Variants in SAMD5 observed in about 807,000 individuals in gnomAD.
SAMD5 encodes the protein sterile alpha motif domain-containing protein 5.
Under a neutral mutation model 11.3 loss-of-function variants are expected in SAMD5, and 13 were observed. That is an observed-to-expected ratio of 1.15 (90% CI 0.75 to 1.83). The LOEUF is 1.83. Ranked by LOEUF, SAMD5 falls within the 40% of genes most tolerant of loss-of-function variation. The pLI, the probability that SAMD5 is intolerant of heterozygous loss-of-function variation, is 0.00. For missense variants in SAMD5, 255 were observed against 239.1 expected, an observed-to-expected ratio of 1.07 and a Z score of -0.44; for synonymous variants, 129 against 111.3, an observed-to-expected ratio of 1.16 and a Z score of -1.00.
chr6:147,804,610 T>C, the SAMD5 span, among the ~76,000 whole-genome samples: 1 of 152,172 alleles, frequency 6.6e-6, no homozygotes, highest in African/African-American at 2.4e-5. Context: ...TTGTAACTCA[T>C]TTATCAGACA....
At chr6:147,652,466 G>A (rs997295849) in intron 1 of SAMD5, among the ~76,000 whole-genome samples, 4 of 152,140 alleles carry the variant, frequency 2.6e-5, no homozygotes, top group Non-Finnish European at 5.9e-5. Flanking sequence ...AAAGCTCAAG[G>A]ACATTGAGAC....
At chr6:147,624,154 C>T (rs1790014037) in intron 1 of SAMD5, among the ~76,000 whole-genome samples, 1 of 152,316 alleles carries the variant, frequency 6.6e-6, no homozygotes, top group Non-Finnish European at 1.5e-5. Context: ...ACAGGCGAGC[C>T]ACTGCGCCTG....
intron 1 of SAMD5, among the ~76,000 whole-genome samples, chr6:147,600,885 T>C (rs1014950794): frequency 6.6e-6 from 1 of 152,230 alleles, no homozygotes; most frequent in South Asian, 2.1e-4. Flanking sequence ...AATGCTGCTG[T>C]AGCAGTTCTA....
intron 1 of SAMD5, among the ~76,000 whole-genome samples, chr6:147,718,980 C>G (rs369564785): frequency 1.3e-5 from 2 of 152,156 alleles, no homozygotes; most frequent in African/African-American, 2.4e-5. Context: ...CGTGAGCCAC[C>G]GCGCCCGGCC....
chr6:147,834,560 G>A, the SAMD5 span, among the ~76,000 whole-genome samples: 2 of 152,122 alleles, frequency 1.3e-5, no homozygotes, highest in African/African-American at 4.8e-5. Context: ...CAATTGTTGG[G>A]GTTCGGACAC....
At chr6:147,622,342 G>A (rs1329255379) in intron 1 of SAMD5, among the ~76,000 whole-genome samples, 1 of 152,114 alleles carries the variant, frequency 6.6e-6, no homozygotes, top group African/African-American at 2.4e-5. Context: ...ATTTTTATAT[G>A]TATCATTTTT....
intron 1 of SAMD5, among the ~76,000 whole-genome samples, chr6:147,594,514 A>T (rs944622787): frequency 6.6e-6 from 1 of 152,206 alleles, no homozygotes; most frequent in South Asian, 2.1e-4. Context: ...CTAATCCATT[A>T]TATTACAAAG....
At chr6:147,927,725 G>A in the SAMD5 span, among the ~76,000 whole-genome samples, 6 of 152,118 alleles carry the variant, frequency 3.9e-5, no homozygotes, top group African/African-American at 1.4e-4. Context: ...GATGAGAGAG[G>A]GCACCCTGGT....
chr6:147,633,606 G>T (rs1015234625), intron 1 of SAMD5, among the ~76,000 whole-genome samples: 1 of 151,700 alleles, frequency 6.6e-6, no homozygotes, highest in African/African-American at 2.4e-5. Context: ...TTCCTCTGGA[G>T]ACCAACATAC....
chr6:147,944,793 A>T, the SAMD5 span, among the ~76,000 whole-genome samples: 1 of 152,202 alleles, frequency 6.6e-6, no homozygotes, highest in Non-Finnish European at 1.5e-5. Context: ...TCCACGATTA[A>T]GGTGTCAGCA....
chr6:147,938,592 G>A, the SAMD5 span, among the ~76,000 whole-genome samples: 1 of 152,196 alleles, frequency 6.6e-6, no homozygotes, highest in Non-Finnish European at 1.5e-5. Context: ...CACAAGGGAA[G>A]GCCTTGACAG....
chr6:147,817,035 C>T, the SAMD5 span, among the ~76,000 whole-genome samples: 3 of 152,170 alleles, frequency 2.0e-5, no homozygotes, highest in Non-Finnish European at 4.4e-5. Flanking sequence ...AATGGAGACC[C>T]CGCCTGGTTC....
At chr6:147,895,549 G>T in the SAMD5 span, among the ~76,000 whole-genome samples, 1 of 152,156 alleles carries the variant, frequency 6.6e-6, no homozygotes, top group Non-Finnish European at 1.5e-5. Flanking sequence ...ATAGAGCATC[G>T]CAGGTGGCAT....
At chr6:147,571,575 G>A (rs1789139500), downstream of SAMD5, among the ~76,000 whole-genome samples, 1 of 148,396 alleles carries the variant, frequency 6.7e-6, no homozygotes, top group African/African-American at 2.5e-5. Flanking sequence ...CTATTTTAAA[G>A]TACATTCATG....
intron 1 of SAMD5, among the ~76,000 whole-genome samples, chr6:147,682,170 A>G (rs1317551119): frequency 6.6e-6 from 1 of 151,984 alleles, no homozygotes; most frequent in Admixed American, 6.6e-5. Flanking sequence ...CCTCTTCCTC[A>G]TGGCCTGGAA....
chr6:147,515,082 G>A (rs472577), intron 1 of SAMD5, among the ~76,000 whole-genome samples: 63,083 of 150,710 alleles, frequency 0.42, 16,679 homozygotes, highest in African/African-American at 0.76. Flanking sequence ...TTCTGCGTTC[G>A]TGACATTACT....
chr6:147,896,748 A>AC, the SAMD5 span, among the ~76,000 whole-genome samples: 2 of 147,280 alleles, frequency 1.4e-5, no homozygotes, highest in African/African-American at 5.1e-5. Context: ...CAAAAAAAAA[A>AC]AAAAAAAAAA....
the SAMD5 span, among the ~76,000 whole-genome samples, chr6:147,822,708 T>C: frequency 6.6e-6 from 1 of 152,358 alleles, no homozygotes; most frequent in South Asian, 2.1e-4. Flanking sequence ...CAATTATCCC[T>C]CTCATCCTTT....
intron 1 of SAMD5, among the ~76,000 whole-genome samples, chr6:147,622,473 A>T (rs1789985253): frequency 6.6e-6 from 1 of 152,226 alleles, no homozygotes; most frequent in Non-Finnish European, 1.5e-5. Flanking sequence ...TCAACACAGC[A>T]GCAGAAAGTA....
Sources: gnomAD v4.1 joint callset for allele counts (sites outside exome capture counted in the v4.1 genomes callset) on GRCh38, gnomAD v4.1.1 for gene constraint, MANE v1.5 for transcripts, NCBI Gene and HGNC (gene_info 2026-07-23, HGNC 2026-07-21) for gene names.